Variants in NCKAP5 observed in about 807,000 individuals in gnomAD.
NCKAP5 encodes nck-associated protein 5.
Under a neutral mutation model 167.0 loss-of-function variants are expected in NCKAP5, and 92 were observed. The ratio of observed to expected loss-of-function variants is 0.55; its 90% CI spans 0.47 to 0.66. The LOEUF (loss-of-function observed/expected upper bound fraction) is 0.66. NCKAP5 is among the 30% of genes least tolerant of loss of function. The pLI is 0.00. For synonymous variants in NCKAP5, 891 were observed against 877.4 expected (o/e 1.02, Z -0.27); for missense variants, 2,378 against 2,315.0 (o/e 1.03, Z -0.56).
intron 3 of NCKAP5, among the ~76,000 whole-genome samples, chr2:133,427,537 A>G (rs1351254624): frequency 2.0e-5 from 3 of 152,188 alleles, no homozygotes; most frequent in Non-Finnish European, 4.4e-5. Context: ...AACTTTACTG[A>G]GCCAGCAGAT....
At chr2:133,550,246 A>T (rs1687167616) in intron 2 of NCKAP5, among the ~76,000 whole-genome samples, 1 of 144,900 alleles carries the variant, frequency 6.9e-6, no homozygotes, top group South Asian at 2.4e-4. Flanking sequence ...AACTCATTTT[A>T]TGAGGCCAGC....
chr2:132,818,553 T>C (rs1686462370), intron 11 of NCKAP5, among the ~76,000 whole-genome samples: 1 of 152,184 alleles, frequency 6.6e-6, no homozygotes, highest in Non-Finnish European at 1.5e-5. Context: ...CTGGGCATGG[T>C]GGCGTGCGCC....
At chr2:132,785,830 C>T in intron 13 of NCKAP5, 112 bp from the exon 14 acceptor site, 1 of 743,958 alleles carries the variant, frequency 1.3e-6, no homozygotes, top group Non-Finnish European at 1.9e-6. Context: ...TAACTATTCA[C>T]ATATAAATGC....
chr2:133,467,540 G>A (rs1692695629), intron 3 of NCKAP5, among the ~76,000 whole-genome samples: 1 of 150,210 alleles, frequency 6.7e-6, no homozygotes, highest in South Asian at 2.1e-4. Flanking sequence ...GAGTTAGGGA[G>A]GATTCCCTCT....
intron 3 of NCKAP5, among the ~76,000 whole-genome samples, chr2:133,501,645 G>C (rs1358783116): frequency 6.6e-6 from 1 of 152,176 alleles, no homozygotes; most frequent in Non-Finnish European, 1.5e-5. Context: ...TCATTTTTCA[G>C]TCAATGTGTT....
intron 5 of NCKAP5, among the ~76,000 whole-genome samples, chr2:133,130,874 T>A (rs558258701): frequency 6.6e-6 from 1 of 152,308 alleles, no homozygotes; most frequent in Non-Finnish European, 1.5e-5. Flanking sequence ...TTGCCTTTTT[T>A]AAAAAGCATG....
intron 19 of NCKAP5, among the ~76,000 whole-genome samples, chr2:132,703,143 T>C (rs998240690): frequency 2.0e-5 from 3 of 152,168 alleles, no homozygotes; most frequent in Non-Finnish European, 2.9e-5. Context: ...ATCATACTAG[T>C]ACACTCTAGC....
chr2:133,292,758 CA>C (rs1679690079), intron 4 of NCKAP5, among the ~76,000 whole-genome samples: 1 of 152,118 alleles, frequency 6.6e-6, no homozygotes, highest in Non-Finnish European at 1.5e-5. Context: ...CAGTATTATT[CA>C]AATCCAAGCT....
intron 5 of NCKAP5, among the ~76,000 whole-genome samples, chr2:133,188,505 T>G (rs1451943438): frequency 2.6e-5 from 4 of 152,030 alleles, no homozygotes; most frequent in African/African-American, 7.2e-5. Flanking sequence ...CATATCGCAC[T>G]TATTCCAAAA....
chr2:133,448,451 C>T (rs1182373422), intron 3 of NCKAP5, among the ~76,000 whole-genome samples: 1 of 152,124 alleles, frequency 6.6e-6, no homozygotes, highest in African/African-American at 2.4e-5. Flanking sequence ...TTACCCTGAG[C>T]AGTCAAGAGG....
intron 6 of NCKAP5, among the ~76,000 whole-genome samples, chr2:133,061,330 G>A (rs1458266043): frequency 6.6e-6 from 1 of 152,112 alleles, no homozygotes; most frequent in African/African-American, 2.4e-5. Flanking sequence ...CATTGACAGG[G>A]CCCCCACGCT....
chr2:133,107,633 G>A (rs773806762), intron 6 of NCKAP5, among the ~76,000 whole-genome samples: 19 of 152,198 alleles, frequency 1.2e-4, no homozygotes, highest in Non-Finnish European at 2.6e-4. Context: ...CCTCCAGGCA[G>A]ACACTTACTG....
intron 3 of NCKAP5, among the ~76,000 whole-genome samples, chr2:133,461,401 T>C (rs905556340): frequency 6.6e-6 from 1 of 152,208 alleles, no homozygotes; most frequent in Non-Finnish European, 1.5e-5. Context: ...TTATTATTTT[T>C]CTAACAGCTA....
chr2:133,631,300 T>A, the NCKAP5 span, among the ~76,000 whole-genome samples: 4 of 152,208 alleles, frequency 2.6e-5, no homozygotes, highest in African/African-American at 9.6e-5. Context: ...TGGGAAGACC[T>A]TCCCCAGTTT....
At chr2:133,373,178 G>GC (rs1332602778) in intron 3 of NCKAP5, among the ~76,000 whole-genome samples, 1 of 152,138 alleles carries the variant, frequency 6.6e-6, no homozygotes, top group East Asian at 1.9e-4. Flanking sequence ...TTGTGCCTCA[G>GC]CCCCCCGAGT....
intron 5 of NCKAP5, among the ~76,000 whole-genome samples, chr2:133,170,252 TG>T (rs1399884225): frequency 6.6e-6 from 1 of 151,614 alleles, no homozygotes; most frequent in Non-Finnish European, 1.5e-5. Flanking sequence ...GAGGGCAGAG[TG>T]GGGGCAGATA....
intron 12 of NCKAP5, among the ~76,000 whole-genome samples, chr2:132,792,544 C>T (rs753884638): frequency 1.3e-5 from 2 of 152,162 alleles, no homozygotes; most frequent in African/African-American, 2.4e-5. Flanking sequence ...TCTGTCCTCT[C>T]ATATTTTGTT....
At chr2:132,740,851 A>C (rs562569027) in intron 16 of NCKAP5, among the ~76,000 whole-genome samples, 1 of 152,204 alleles carries the variant, frequency 6.6e-6, no homozygotes, top group African/African-American at 2.4e-5. Context: ...TATGACAAAC[A>C]ATTAAAAAAG....
chr2:133,608,432 A>G, the NCKAP5 span, among the ~76,000 whole-genome samples: 1 of 152,184 alleles, frequency 6.6e-6, no homozygotes, highest in Non-Finnish European at 1.5e-5. Context: ...ATTTAGAATC[A>G]AGGGCAAATA....
Sources: gnomAD v4.1 joint callset for allele counts (sites outside exome capture counted in the v4.1 genomes callset) on GRCh38, gnomAD v4.1.1 for gene constraint, MANE v1.5 for transcripts, NCBI Gene and HGNC (gene_info 2026-07-23, HGNC 2026-07-21) for gene names.